The following MPHOSPH10 variants were observed in gnomAD, a reference collection of about 807,000 sequenced individuals.
MPHOSPH10 encodes the protein M-phase phosphoprotein 10.
MPHOSPH10 carries 33 observed loss-of-function variants against 77.3 expected under a neutral mutation model. The observed-to-expected ratio is 0.43, with a 90% confidence interval of 0.32 to 0.57. MPHOSPH10 has a LOEUF of 0.57. Ranked by LOEUF, MPHOSPH10 falls within the 20% of genes least tolerant of loss-of-function variation. MPHOSPH10 has a pLI of 0.07. For missense variants in MPHOSPH10, 708 were observed against 780.1 expected (o/e 0.91, Z 1.10); for synonymous variants, 245 against 268.0 (o/e 0.91, Z 0.84).
intron 8 of MPHOSPH10, among the ~76,000 whole-genome samples, chr2:71,146,657 GTCT>G (rs1248126489): frequency 6.6e-6 from 1 of 152,002 alleles, no homozygotes; most frequent in African/African-American, 2.4e-5. Flanking sequence ...TTTTTGGACT[GTCT>G]TCTTTTTCTC....
chr2:71,145,443 A>G (rs904255861), intron 8 of MPHOSPH10, among the ~76,000 whole-genome samples: 2 of 151,366 alleles, frequency 1.3e-5, no homozygotes, highest in South Asian at 4.2e-4. Context: ...GGTGATTCCC[A>G]TGCAAATATT....
chr2:71,138,718 C>A, intron 5 of MPHOSPH10, 87 bp downstream of exon 5: 2 of 1,557,710 alleles, frequency 1.3e-6, no homozygotes, highest in South Asian at 1.1e-5. Flanking sequence ...GTTTCTTTTC[C>A]CTCAACTTTT....
At chr2:71,134,537 TAAG>T (rs1348289126) in intron 3 of MPHOSPH10, 86 bp from the exon 4 acceptor site, 10 of 1,250,364 alleles carry the variant, frequency 8.0e-6, no homozygotes, top group Non-Finnish European at 1.0e-5. Flanking sequence ...GTATATAAAA[TAAG>T]AACTTTATTA....
intron 9 of MPHOSPH10, 111 bp downstream of exon 9, chr2:71,148,217 T>TA (rs905192006): frequency 1.1e-6 from 1 of 878,388 alleles, no homozygotes; most frequent in African/African-American, 1.7e-5. Flanking sequence ...TATTCCAATG[T>TA]ATCTCAGCAG....
intron 10 of MPHOSPH10, 139 bp downstream of exon 10, chr2:71,149,592 C>A: frequency 1.2e-6 from 1 of 843,484 alleles, no homozygotes; most frequent in Non-Finnish European, 1.8e-6. Context: ...TGGCTGGAAT[C>A]GCAACCTTTA....
At chr2:71,148,289 G>T in intron 9 of MPHOSPH10, 183 bp downstream of exon 9, 1 of 537,876 alleles carries the variant, frequency 1.9e-6, no homozygotes, top group South Asian at 2.6e-5. Context: ...CTATATTCTG[G>T]CTTTATTATG....
intron 4 of MPHOSPH10, among the ~76,000 whole-genome samples, chr2:71,136,158 T>C (rs2103665470): frequency 6.6e-6 from 1 of 152,348 alleles, no homozygotes; most frequent in African/African-American, 2.4e-5. Context: ...CATTAAATTT[T>C]TGTAGATGTA....
At chr2:71,132,787 T>C (rs1338775767) in intron 1 of MPHOSPH10, 111 bp from the exon 2 acceptor site, 4 of 1,355,096 alleles carry the variant, frequency 3.0e-6, no homozygotes, top group Non-Finnish European at 4.0e-6. Context: ...TCTATACTTA[T>C]ACTTCATTCA....
At chr2:71,136,090 T>G (rs936071534) in intron 4 of MPHOSPH10, among the ~76,000 whole-genome samples, 2 of 152,228 alleles carry the variant, frequency 1.3e-5, no homozygotes, top group East Asian at 3.8e-4. Flanking sequence ...CACAAACATA[T>G]CTTTCAAAGT....
chr2:71,149,281 A>C lies in MPHOSPH10; in HGVS notation c.1724A>C (p.Lys575Thr). Residue 575 changes from lysine (K) to threonine (T), a missense_variant, in exon 10 of 11, where the codon AAA becomes ACA. This residue lies in a region of MPHOSPH10 where 263 missense variants were observed against 320.0 expected (regional missense o/e 0.82). Transcript: ENST00000244230. ...GCTGAAAAAACAGCTACAGACAAGA[A>C]ACGAGAGCGAAGGAAAAAGAAATAT... is the stretch of plus-strand genomic sequence containing the variant. The part of the protein sequence containing the change: ...TAAEKTATDK[K>T]RERRKKKYQK... 5 of 1,603,016 alleles carry C rather than the reference A, an allele frequency of 3.1e-6. No homozygotes were observed. Among genetic ancestry groups the C allele is most frequent in the Non-Finnish European group, 4.3e-6 (5 of 1,174,424 alleles).
intron 7 of MPHOSPH10, among the ~76,000 whole-genome samples, chr2:71,144,076 T>C (rs1237756510): frequency 6.6e-6 from 1 of 152,250 alleles, no homozygotes; most frequent in Non-Finnish European, 1.5e-5. Flanking sequence ...GGGTTCCAGT[T>C]TCTCCATCCT....
intron 6 of MPHOSPH10, 62 bp downstream of exon 6, chr2:71,139,924 G>A: frequency 8.7e-7 from 1 of 1,154,528 alleles, no homozygotes; most frequent in Non-Finnish European, 1.3e-6. Context: ...AATAATGTGA[G>A]AGTACTTTGA....
At chr2:71,135,501 G>C (rs1673470069) in intron 4 of MPHOSPH10, among the ~76,000 whole-genome samples, 1 of 149,390 alleles carries the variant, frequency 6.7e-6, no homozygotes, top group African/African-American at 2.5e-5. Context: ...GAGCCGAGAT[G>C]GTGTCACTGG....
chr2:71,147,879 A>G (rs1480533572), intron 8 of MPHOSPH10, 120 bp from the exon 9 acceptor site: 1 of 750,786 alleles, frequency 1.3e-6, no homozygotes, highest in African/African-American at 1.8e-5. Context: ...GCAAGTGAAA[A>G]AAAGATAATC....
rs1212947115 is a variant in MPHOSPH10 at position 71,149,230 on chromosome 2, A to C, written c.1673A>C (p.Asn558Thr). The C allele has an allele frequency of 6.4e-7, 1 of 1,551,108 alleles. No individual in the cohort carries two copies. The highest frequency in any genetic ancestry group is 2.4e-5 in the East Asian group (1 of 41,860). Residue 558 changes from asparagine (N) to threonine (T), a missense_variant, in exon 10 of 11, where the codon AAT becomes ACT. Transcript: ENST00000244230. ...LLAPEEIKEK[N>T]KAGDIKTAAE... ...TGGTTATTTTTTTAATAGGAGAAAA[A>C]TAAAGCTGGAGATATAAAAACAGCT...
intron 4 of MPHOSPH10, among the ~76,000 whole-genome samples, chr2:71,138,008 G>C (rs940636596): frequency 1.2e-4 from 19 of 152,092 alleles, no homozygotes; most frequent in Non-Finnish European, 5.9e-5. Flanking sequence ...CAGGAGAATT[G>C]CTCAGGAGAC....
intron 6 of MPHOSPH10, among the ~76,000 whole-genome samples, chr2:71,140,091 G>C (rs72905527): frequency 3.9e-5 from 6 of 152,100 alleles, no homozygotes; most frequent in Admixed American, 1.3e-4. Context: ...ATCCTTTCTC[G>C]TGAGTCTTGC....
intron 6 of MPHOSPH10, among the ~76,000 whole-genome samples, 158 bp downstream of exon 6, chr2:71,140,020 C>CTGCT (rs1454946610): frequency 2.6e-5 from 4 of 152,180 alleles, no homozygotes; most frequent in Admixed American, 1.3e-4. Context: ...GTGTGAGGTA[C>CTGCT]TGCTCTTCAG....
At chr2:71,148,137 C>G (rs1483985360) in intron 9 of MPHOSPH10, 31 bp downstream of exon 9, 1 of 1,559,720 alleles carries the variant, frequency 6.4e-7, no homozygotes, top group Admixed American at 1.7e-5. Flanking sequence ...CCTTAAATGT[C>G]TGTTACAAGT....
Sources: allele counts gnomAD v4.1 joint callset (sites outside exome capture counted in the v4.1 genomes callset), GRCh38; gene constraint gnomAD v4.1.1; regional missense constraint gnomAD v4.1.1; transcripts MANE v1.5; gene names NCBI Gene and HGNC (gene_info 2026-07-23, HGNC 2026-07-21).